The following LRRK2 variants were observed in gnomAD, a reference collection of about 807,000 sequenced individuals.
LRRK2 encodes leucine rich repeat kinase 2, also known as leucine-rich repeat serine/threonine-protein kinase 2.
Under a neutral mutation model 302.6 loss-of-function variants are expected in LRRK2, and 203 were observed. That is an observed-to-expected ratio of 0.67 (90% CI 0.60 to 0.75). LRRK2 has a LOEUF of 0.75. Ranked by LOEUF, LRRK2 falls within the 30% of genes least tolerant of loss-of-function variation. The pLI, the probability that LRRK2 is intolerant of heterozygous loss-of-function variation, is 0.00. For missense variants in LRRK2, 2,830 were observed against 2,951.0 expected, an observed-to-expected ratio of 0.96 and a Z score of 0.95; for synonymous variants, 1,066 against 1,031.9, an observed-to-expected ratio of 1.03 and a Z score of -0.63.
chr12:40,298,179 A>G (rs1944454805), intron 23 of LRRK2, 64 bp from the exon 24 acceptor site: 2 of 1,563,770 alleles, frequency 1.3e-6, no homozygotes, highest in Admixed American at 3.4e-5. Context: ...TAAGGCAGAA[A>G]TATTAGCTAG....
intron 39 of LRRK2, among the ~76,000 whole-genome samples, chr12:40,332,218 TG>T (rs1945731759): frequency 6.6e-6 from 1 of 152,144 alleles, no homozygotes; most frequent in Admixed American, 6.6e-5. Context: ...AGGCTGATGT[TG>T]GGGTCACTTC....
intron 33 of LRRK2, among the ~76,000 whole-genome samples, chr12:40,315,989 T>C (rs1443034012): frequency 6.6e-6 from 1 of 151,962 alleles, no homozygotes; most frequent in Non-Finnish European, 1.5e-5. Flanking sequence ...GTTAGCAGCA[T>C]TTTTGGCCTT....
At chr12:40,322,757 C>A (rs973947946) in intron 37 of LRRK2, among the ~76,000 whole-genome samples, 1 of 151,974 alleles carries the variant, frequency 6.6e-6, no homozygotes, top group Non-Finnish European at 1.5e-5. Context: ...ATCTGTGAAA[C>A]CGGAATACCA....
chr12:40,267,260 G>A (rs575917254), intron 14 of LRRK2, among the ~76,000 whole-genome samples: 1 of 152,312 alleles, frequency 6.6e-6, no homozygotes, highest in East Asian at 1.9e-4. Context: ...CACAGTTGCC[G>A]CGTCCTGAGG....
chr12:40,309,507 T>A (rs545742396), intron 30 of LRRK2, among the ~76,000 whole-genome samples: 2 of 152,170 alleles, frequency 1.3e-5, no homozygotes, highest in South Asian at 2.1e-4. Context: ...AACTGTTTTT[T>A]AATTATATTA....
intron 27 of LRRK2, among the ~76,000 whole-genome samples, chr12:40,305,132 T>C (rs1233673849): frequency 6.6e-6 from 1 of 152,148 alleles, no homozygotes; most frequent in Non-Finnish European, 1.5e-5. Context: ...ATTGATAATT[T>C]GTTTGTCTCA....
chr12:40,299,175 G>T lies in LRRK2; in HGVS notation c.3414G>T (p.Lys1138Asn). 6.2e-7 allele frequency: 1 copy of T among 1,613,474 alleles called. No individual in the cohort carries two copies. The highest frequency in any genetic ancestry group is 8.5e-7 in the Non-Finnish European group (1 of 1,179,782). ...LKELKILNLS[K>N]NHISSLSENF... ...AACTGAAGATTTTAAACCTTAGTAA[G>T]AACCACATTTCATCCCTATCAGAGA... Residue 1138 changes from lysine to asparagine, a missense_variant, in exon 25 of 51, where the codon AAG becomes AAT. Around this residue, in one of 3 missense-constraint regions of LRRK2, gnomAD observed 2,121 missense variants for 2,148.0 expected, o/e 0.99. Transcript: ENST00000298910.
intron 13 of LRRK2, among the ~76,000 whole-genome samples, 183 bp from the exon 14 acceptor site, chr12:40,263,606 T>A (rs1237326171): frequency 6.6e-6 from 1 of 152,236 alleles, no homozygotes; most frequent in Non-Finnish European, 1.5e-5. Flanking sequence ...TATTCAGTGA[T>A]GAACTATTTT....
At position 40,225,006 on chromosome 12, in the gene LRRK2, G is replaced by C; in HGVS notation, c.-126G>C. On this transcript the variant is annotated 5_prime_UTR_variant, in exon 1 of 51. Coordinates refer to ENST00000298910, the MANE Select transcript of LRRK2 (RefSeq NM_198578.4). ...GGGCGTGGGCGCCGATGGGGCCCGC[G>C]GGGAGCGCTGGCTGCGGGCGGTGAG... 1 of 1,284,944 alleles carries C rather than the reference G, an allele frequency of 7.8e-7. No homozygotes were observed. The highest frequency in any genetic ancestry group is 1.1e-6 in the Non-Finnish European group (1 of 914,926). The allele number at this position is 1,284,944 out of a possible 1,614,324, so 79.6% of individuals were successfully genotyped here.
At position 40,322,298 on chromosome 12, in the gene LRRK2, G is replaced by A. The variant is rs1431131356; in HGVS notation, c.5318-21G>A. 5.0e-6 allele frequency: 8 copies of A among 1,613,024 alleles called. No homozygotes were observed. In the South Asian group the frequency reaches 7.7e-5, roughly 16 times the overall value. On this transcript the variant is annotated intron_variant, in intron 36 of 50. Transcript: ENST00000298910. The stretch of plus-strand genomic sequence containing the variant: ...GTATGAGGTTTAGACAAGGTGTTGA[G>A]CTCTGTTTTGAATCATGTAGGCTGT...
chr12:40,346,788 A>G lies in LRRK2; in HGVS notation c.6145A>G (p.Ile2049Val). The G allele has an allele frequency of 6.2e-7, 1 of 1,613,944 alleles. No individual in the cohort carries two copies. Among genetic ancestry groups the G allele is most frequent in the Admixed American group, 1.7e-5 (1 of 60,012 alleles). The stretch of plus-strand genomic sequence containing the variant: ...ACCTGAAGTTGCCAGAGGAAATGTC[A>G]TTTATAACCAACAGGCTGATGTTTA... ...RAPEVARGNV[I>V]YNQQADVYSF... The change falls in exon 42 of 51, where the codon ATT becomes GTT. Residue 2049 changes from isoleucine to valine, a missense_variant. Around this residue, in one of 3 missense-constraint regions of LRRK2, gnomAD observed 253 missense variants for 346.7 expected, o/e 0.73. Transcript: ENST00000298910.
chr12:40,280,174 G>A (rs1943626423), intron 18 of LRRK2, among the ~76,000 whole-genome samples: 1 of 152,114 alleles, frequency 6.6e-6, no homozygotes, highest in South Asian at 2.1e-4. Flanking sequence ...TAAGAGGCTG[G>A]GCATGGTGGC....
chr12:40,354,587 T>G, intron 45 of LRRK2, 95 bp downstream of exon 45: 1 of 1,143,100 alleles, frequency 8.7e-7, no homozygotes, highest in South Asian at 1.3e-5. Flanking sequence ...AGATTGTTCA[T>G]TTTTAGCCTA....
chr12:40,296,535 G>A (rs551132904), intron 23 of LRRK2, among the ~76,000 whole-genome samples: 1 of 152,102 alleles, frequency 6.6e-6, no homozygotes, highest in African/African-American at 2.4e-5. Context: ...GGGATGCTGA[G>A]GTGGGAGGAT....
At position 40,295,530 on chromosome 12, in the gene LRRK2, AAG is replaced by A; in HGVS notation, c.2986_2987del (p.Asp996TyrfsTer2). The stretch of plus-strand genomic sequence containing the variant: ...CACTAGACCTTTCAGCAAATGAACT[AAG>A]AGATATTGATGCCCTAAGCCAGAAA... ...TSLDLSANEL[R>X]DIDALSQKCC... On this transcript the variant is annotated frameshift_variant, in exon 23 of 51. Transcript: ENST00000298910. LOFTEE classifies it high-confidence loss of function. 2.5e-6 allele frequency: 4 copies of A among 1,614,016 alleles called. No homozygotes were observed. Among genetic ancestry groups the A allele is most frequent in the Non-Finnish European group, 3.4e-6 (4 of 1,179,988 alleles).
chr12:40,313,461 G>T (rs1445420597), intron 31 of LRRK2, among the ~76,000 whole-genome samples: 1 of 151,826 alleles, frequency 6.6e-6, no homozygotes, highest in East Asian at 1.9e-4. Context: ...GCTTGAGTGG[G>T]ATTTTATGTC....
At chr12:40,366,729 T>A (rs998413962) in intron 49 of LRRK2, 4 of 356,070 alleles carry the variant, frequency 1.1e-5, no homozygotes, top group Non-Finnish European at 2.1e-5. Flanking sequence ...TTGGGAAGGG[T>A]AATGTATAAA....
chr12:40,364,100 C>T (rs952421383), intron 48 of LRRK2, among the ~76,000 whole-genome samples: 48 of 151,792 alleles, frequency 3.2e-4, no homozygotes, highest in African/African-American at 1.1e-3. Context: ...GAAACAGGAC[C>T]ATTTTCAAGC....
intron 8 of LRRK2, 76 bp from the exon 9 acceptor site, chr12:40,251,156 A>G (rs1433640500): frequency 3.0e-6 from 3 of 988,840 alleles, no homozygotes; most frequent in African/African-American, 1.6e-5. Flanking sequence ...ATTTCAAAAT[A>G]TGGACTTAGA....
Sources: allele counts gnomAD v4.1 joint callset (sites outside exome capture counted in the v4.1 genomes callset), GRCh38; gene constraint gnomAD v4.1.1; regional missense constraint gnomAD v4.1.1; transcripts MANE v1.5; gene names NCBI Gene and HGNC (gene_info 2026-07-23, HGNC 2026-07-21).